Variants in UBAP1 observed in about 807,000 individuals in gnomAD.
UBAP1 encodes the protein ubiquitin-associated protein 1.
Under a neutral mutation model 39.0 loss-of-function variants are expected in UBAP1, and 5 were observed. The ratio of observed to expected loss-of-function variants is 0.13; its 90% CI spans 0.07 to 0.27. The LOEUF is 0.27. Ranked by LOEUF, UBAP1 falls within the 10% of genes least tolerant of loss-of-function variation. The pLI is 1.00. For missense variants in UBAP1, 490 were observed against 608.1 expected (o/e 0.81, Z 2.04); for synonymous variants, 211 against 225.1 (o/e 0.94, Z 0.56).
At chr9:34,203,311 C>T (rs1406279324) in intron 1 of UBAP1, among the ~76,000 whole-genome samples, 2 of 152,174 alleles carry the variant, frequency 1.3e-5, no homozygotes, top group Non-Finnish European at 2.9e-5. Flanking sequence ...GACCCTGTCT[C>T]TAAAAACAAG....
intron 4 of UBAP1, among the ~76,000 whole-genome samples, chr9:34,244,235 A>G (rs1019656496): frequency 2.0e-5 from 3 of 152,030 alleles, no homozygotes; most frequent in South Asian, 2.1e-4. Flanking sequence ...TCTAGTGTCT[A>G]TGTCCATGGG....
intron 1 of UBAP1, among the ~76,000 whole-genome samples, chr9:34,209,093 C>T (rs956727675): frequency 8.6e-5 from 13 of 151,970 alleles, no homozygotes; most frequent in African/African-American, 3.1e-4. Flanking sequence ...TGCCATGAGA[C>T]CTGGCTAATA....
At chr9:34,180,271 C>G (rs948366515) in intron 1 of UBAP1, among the ~76,000 whole-genome samples, 7 of 152,130 alleles carry the variant, frequency 4.6e-5, no homozygotes, top group African/African-American at 1.7e-4. Flanking sequence ...AATCCCAGCA[C>G]TTTGGGAGGC....
chr9:34,196,618 T>G (rs1031068988), intron 1 of UBAP1, among the ~76,000 whole-genome samples: 2 of 151,656 alleles, frequency 1.3e-5, no homozygotes, highest in Non-Finnish European at 2.9e-5. Flanking sequence ...CCTAAATAAT[T>G]TTTTTTAATA....
chr9:34,184,926 C>CTTTTTTT (rs35634769), intron 1 of UBAP1, among the ~76,000 whole-genome samples: 5 of 105,032 alleles, frequency 4.8e-5, no homozygotes, highest in East Asian at 2.3e-4. Flanking sequence ...CCAGCCAATC[C>CTTTTTTT]TTTTTTTTTT....
intron 1 of UBAP1, among the ~76,000 whole-genome samples, chr9:34,209,585 C>G (rs16935430): frequency 2.6e-5 from 4 of 152,140 alleles, no homozygotes; most frequent in African/African-American, 9.7e-5. Flanking sequence ...ACACCTGTTA[C>G]GTACTCCATG....
At chr9:34,201,794 T>G (rs1831386838) in intron 1 of UBAP1, among the ~76,000 whole-genome samples, 1 of 152,064 alleles carries the variant, frequency 6.6e-6, no homozygotes, top group Non-Finnish European at 1.5e-5. Context: ...GTCTCCAAGA[T>G]TGCCCCCTAG....
At chr9:34,218,250 C>CAAAAAAAAAAAAAAAA (rs758443973) in intron 1 of UBAP1, among the ~76,000 whole-genome samples, 1 of 49,524 alleles carries the variant, frequency 2.0e-5, no homozygotes, top group African/African-American at 9.4e-5. Context: ...GACTCCATCT[C>CAAAAAAAAAAAAAAAA]AAAAAAAAAA....
rs529765989 is a variant in UBAP1 at position 34,191,327 on chromosome 9, C to T, written c.-8+12087C>T. ...ATGTTCCCTGGTCTGAAACTTCTGG[C>T]CTCAAGCAGTCTTCCCACCTTGGCC... On this transcript the variant is annotated intron_variant, in intron 1 of 6. Transcript: ENST00000297661. 1.1e-3 allele frequency among the ~76,000 whole-genome samples: 166 copies of T among 152,180 alleles called. 2 individuals are homozygous for T. The highest frequency in any genetic ancestry group is 3.9e-3 in the African/African-American group (161 of 41,534).
intron 1 of UBAP1, among the ~76,000 whole-genome samples, chr9:34,217,824 G>C (rs1233711290): frequency 3.1e-5 from 3 of 96,378 alleles, no homozygotes; most frequent in Non-Finnish European, 5.6e-5. Flanking sequence ...GAGACAGACA[G>C]TCTTGCTGAG....
chr9:34,209,940 T>TTATCC (rs1381762393), intron 1 of UBAP1, among the ~76,000 whole-genome samples: 1 of 152,176 alleles, frequency 6.6e-6, no homozygotes, highest in African/African-American at 2.4e-5. Flanking sequence ...TAAAAATATC[T>TTATCC]TATCCTTATT....
chr9:34,206,723 G>A (rs1395197122), intron 1 of UBAP1, among the ~76,000 whole-genome samples: 1 of 152,084 alleles, frequency 6.6e-6, no homozygotes, highest in Non-Finnish European at 1.5e-5. Flanking sequence ...TCTACATTTG[G>A]TCAGTTGCAT....
intron 1 of UBAP1, among the ~76,000 whole-genome samples, chr9:34,211,362 C>A (rs1832008186): frequency 6.6e-6 from 1 of 152,086 alleles, no homozygotes; most frequent in African/African-American, 2.4e-5. Context: ...GTTAATTTTT[C>A]TTCAGGCTTG....
chr9:34,182,555 C>T (rs925540966), intron 1 of UBAP1, among the ~76,000 whole-genome samples: 5 of 151,958 alleles, frequency 3.3e-5, no homozygotes, highest in Non-Finnish European at 1.5e-5. Flanking sequence ...ATATCATTAG[C>T]CTTGAGTGTA....
chr9:34,204,224 G>A (rs1006158455), intron 1 of UBAP1, among the ~76,000 whole-genome samples: 1 of 152,174 alleles, frequency 6.6e-6, no homozygotes, highest in African/African-American at 2.4e-5. Flanking sequence ...CTACTCGGGA[G>A]GCTAAGGCAC....
At chr9:34,248,139 G>T (rs1321730293) in intron 4 of UBAP1, among the ~76,000 whole-genome samples, 1 of 151,804 alleles carries the variant, frequency 6.6e-6, no homozygotes, top group Non-Finnish European at 1.5e-5. Context: ...GGGTTCAAGC[G>T]ATTTTCCCAC....
chr9:34,230,307 G>A (rs991301106), intron 2 of UBAP1, among the ~76,000 whole-genome samples: 4 of 152,108 alleles, frequency 2.6e-5, no homozygotes, highest in South Asian at 2.1e-4. Context: ...CTCATGATCC[G>A]CCTGCCTTGG....
chr9:34,248,747 A>G (rs1361231093), intron 4 of UBAP1, among the ~76,000 whole-genome samples: 2 of 152,212 alleles, frequency 1.3e-5, no homozygotes, highest in Non-Finnish European at 2.9e-5. Flanking sequence ...GCATCTGGTT[A>G]CATCTGTATA....
chr9:34,192,471 C>T (rs900621783), intron 1 of UBAP1, among the ~76,000 whole-genome samples: 2 of 145,234 alleles, frequency 1.4e-5, no homozygotes, highest in Non-Finnish European at 3.0e-5. Flanking sequence ...GCCGAGGTCA[C>T]GCCACTGCAC....
Sources: gnomAD v4.1 joint callset for allele counts (sites outside exome capture counted in the v4.1 genomes callset) on GRCh38, gnomAD v4.1.1 for gene constraint, MANE v1.5 for transcripts, NCBI Gene and HGNC (gene_info 2026-07-23, HGNC 2026-07-21) for gene names.